Variants in STAU2 observed in about 807,000 individuals in gnomAD.
STAU2 encodes the protein staufen double-stranded RNA binding protein 2, also known as double-stranded RNA-binding protein Staufen homolog 2.
In STAU2, 20 loss-of-function variants were observed where a neutral mutation model predicts 65.9. The observed-to-expected ratio is 0.30, with a 90% CI of 0.21 to 0.44. STAU2 has a LOEUF of 0.44. STAU2 is among the 20% of genes least tolerant of loss of function. The pLI is 1.00. For missense variants in STAU2, 558 were observed against 683.9 expected (o/e 0.82, Z 2.05); for synonymous variants, 232 against 233.9 (o/e 0.99, Z 0.07).
intron 4 of STAU2, among the ~76,000 whole-genome samples, chr8:73,696,285 C>G (rs73689028): frequency 0.19 from 28,584 of 151,984 alleles, 2,860 homozygotes; most frequent in East Asian, 0.36. Flanking sequence ...AACTCAGACT[C>G]TGAAGACTAC....
At chr8:73,658,943 C>CAACAAAAA (rs373405572) in intron 6 of STAU2, among the ~76,000 whole-genome samples, 5 of 141,890 alleles carry the variant, frequency 3.5e-5, no homozygotes, top group African/African-American at 1.3e-4. Flanking sequence ...ACAAAAACAA[C>CAACAAAAA]AAAAAAAAAA....
intron 5 of STAU2, 123 bp from the exon 6 acceptor site, chr8:73,673,365 T>C (rs1240180846): frequency 4.0e-6 from 4 of 1,012,038 alleles, no homozygotes; most frequent in African/African-American, 1.7e-5. Flanking sequence ...ACCACCTGTA[T>C]GATTTTCTAA....
chr8:73,533,968 C>T (rs560416873), intron 13 of STAU2, among the ~76,000 whole-genome samples: 13 of 152,136 alleles, frequency 8.5e-5, no homozygotes, highest in East Asian at 3.9e-4. Flanking sequence ...GCTTGTCTGT[C>T]GGATGTTTTT....
intron 9 of STAU2, among the ~76,000 whole-genome samples, chr8:73,608,692 G>A (rs189408978): frequency 6.6e-6 from 1 of 151,496 alleles, no homozygotes; most frequent in African/African-American, 2.4e-5. Flanking sequence ...GGACGTAAGG[G>A]GTAAGAGAGA....
chr8:73,639,023 T>C (rs1814763018), intron 6 of STAU2, among the ~76,000 whole-genome samples: 1 of 152,044 alleles, frequency 6.6e-6, no homozygotes, highest in Non-Finnish European at 1.5e-5. Flanking sequence ...GATGCCACAA[T>C]ATATTTTAGT....
chr8:73,739,385 T>C (rs1183890521), intron 2 of STAU2, among the ~76,000 whole-genome samples: 1 of 152,038 alleles, frequency 6.6e-6, no homozygotes, highest in Admixed American at 6.6e-5. Flanking sequence ...CTAAAAATTA[T>C]CTAAAGCAAC....
chr8:73,554,128 G>T (rs988909294), intron 12 of STAU2, among the ~76,000 whole-genome samples: 1 of 152,070 alleles, frequency 6.6e-6, no homozygotes, highest in Non-Finnish European at 1.5e-5. Context: ...CAGTCCCCAG[G>T]CATCAGTCCC....
chr8:73,739,296 A>C (rs992486248), intron 2 of STAU2, among the ~76,000 whole-genome samples: 3 of 151,892 alleles, frequency 2.0e-5, no homozygotes, highest in African/African-American at 4.8e-5. Flanking sequence ...GGAAAGTCCA[A>C]ATTACAAATA....
At chr8:73,459,418 T>C (rs916191776) in intron 13 of STAU2, among the ~76,000 whole-genome samples, 2 of 152,210 alleles carry the variant, frequency 1.3e-5, no homozygotes, top group Non-Finnish European at 2.9e-5. Flanking sequence ...ACATTTTCCA[T>C]ATAGAAATCA....
chr8:73,423,019 C>T (rs912501084), intron 13 of STAU2, among the ~76,000 whole-genome samples: 2 of 152,190 alleles, frequency 1.3e-5, no homozygotes, highest in Non-Finnish European at 2.9e-5. Context: ...TAATTTCTCA[C>T]GTTACTGAAA....
At chr8:73,467,382 A>G (rs1249002447) in intron 13 of STAU2, among the ~76,000 whole-genome samples, 2 of 152,130 alleles carry the variant, frequency 1.3e-5, no homozygotes, top group African/African-American at 4.8e-5. Flanking sequence ...AATACAAAAA[A>G]TTAGCCGGGC....
intron 6 of STAU2, among the ~76,000 whole-genome samples, chr8:73,636,103 T>C (rs1245588583): frequency 6.6e-6 from 1 of 151,826 alleles, no homozygotes; most frequent in Non-Finnish European, 1.5e-5. Context: ...CCTATAATCC[T>C]AACACCTTTG....
At chr8:73,699,840 A>G (rs1819955932) in intron 4 of STAU2, among the ~76,000 whole-genome samples, 1 of 149,074 alleles carries the variant, frequency 6.7e-6, no homozygotes, top group African/African-American at 2.5e-5. Flanking sequence ...TTACCCTGAT[A>G]CCAAAAACCA....
intron 4 of STAU2, among the ~76,000 whole-genome samples, chr8:73,697,783 T>C (rs1819785991): frequency 6.6e-6 from 1 of 152,196 alleles, no homozygotes; most frequent in Non-Finnish European, 1.5e-5. Context: ...TAATGCGTTA[T>C]AAGTATTAGT....
intron 4 of STAU2, among the ~76,000 whole-genome samples, chr8:73,695,147 T>C (rs1241595891): frequency 6.6e-6 from 1 of 152,180 alleles, no homozygotes; most frequent in African/African-American, 2.4e-5. Flanking sequence ...AGGGAGTGCT[T>C]ATGCCATCCC....
chr8:73,719,359 C>G (rs369082610), intron 3 of STAU2, among the ~76,000 whole-genome samples: 7 of 152,000 alleles, frequency 4.6e-5, no homozygotes, highest in African/African-American at 1.7e-4. Context: ...GAGCCGAGAT[C>G]GTGCCACTTC....
chr8:73,631,469 T>C (rs140794169), intron 6 of STAU2, among the ~76,000 whole-genome samples: 1 of 151,774 alleles, frequency 6.6e-6, no homozygotes, highest in East Asian at 1.9e-4. Flanking sequence ...ATTCAGATAC[T>C]ATAAAAACCA....
intron 6 of STAU2, among the ~76,000 whole-genome samples, chr8:73,621,766 T>A (rs541319286): frequency 6.6e-6 from 1 of 152,140 alleles, no homozygotes; most frequent in African/African-American, 2.4e-5. Context: ...AAGCCTGATC[T>A]GCTGCATCAG....
chr8:73,543,278 C>T (rs1459314661), intron 13 of STAU2, among the ~76,000 whole-genome samples: 2 of 152,112 alleles, frequency 1.3e-5, no homozygotes, highest in Non-Finnish European at 2.9e-5. Context: ...AAATCGGCGG[C>T]AAGGGCGGAG....
Sources: allele counts gnomAD v4.1 joint callset (sites outside exome capture counted in the v4.1 genomes callset), GRCh38; gene constraint gnomAD v4.1.1; transcripts MANE v1.5; gene names NCBI Gene and HGNC (gene_info 2026-07-23, HGNC 2026-07-21).